The following LRRC4C variants were observed in gnomAD, a reference collection of about 807,000 sequenced individuals.
LRRC4C encodes the protein leucine-rich repeat-containing protein 4C.
A neutral mutation model predicts 33.6 loss-of-function variants in LRRC4C; 5 were observed. The observed-to-expected ratio is 0.15, with a 90% confidence interval of 0.08 to 0.31. LRRC4C has a LOEUF of 0.31. Among genes scored for constraint, LRRC4C ranks in the 10% least tolerant of loss-of-function variants. The probability of loss-of-function intolerance (pLI) is 1.00; values close to 1 mark genes in which losing one functional copy is unlikely to be tolerated. For missense variants in LRRC4C, 560 were observed against 796.7 expected (o/e 0.70, Z 3.58); for synonymous variants, 329 against 302.0 (o/e 1.09, Z -0.93).
At position 40,733,061 on chromosome 11, in the gene LRRC4C, G is replaced by GTTTTTTTT. The variant is rs544471413; in HGVS notation, c.-406-84791_-406-84784dup. Among the ~76,000 whole-genome samples, 32 of 57,640 alleles carry GTTTTTTTT rather than the reference G, an allele frequency of 5.6e-4. 4 individuals are homozygous for GTTTTTTTT. The highest frequency in any genetic ancestry group is 8.4e-4 in the Non-Finnish European group (28 of 33,440). The allele number at this position is 57,640 out of a possible 152,430, so 37.8% of individuals were successfully genotyped here. On this transcript the variant is annotated intron_variant, in intron 2 of 6. Coordinates refer to ENST00000528697, the MANE Select transcript of LRRC4C (RefSeq NM_001258419.2). ...GGATCCAAAACCAGTTATGAATATA[G>GTTTTTTTT]TTTTTTTTTTTTTTTTTTTTTTTTT...
intron 2 of LRRC4C, among the ~76,000 whole-genome samples, chr11:40,892,952 C>A (rs1955785924): frequency 6.6e-6 from 1 of 151,876 alleles, no homozygotes; most frequent in African/African-American, 2.4e-5. Context: ...GTATGTGTTA[C>A]CACAACAAAA....
chr11:41,105,024 G>A (rs1284875811), intron 1 of LRRC4C, among the ~76,000 whole-genome samples: 1 of 151,920 alleles, frequency 6.6e-6, no homozygotes, highest in East Asian at 1.9e-4. Context: ...ACATATCACT[G>A]TAAATTTACT....
intron 2 of LRRC4C, among the ~76,000 whole-genome samples, chr11:40,797,419 T>C (rs576804194): frequency 6.6e-6 from 1 of 152,276 alleles, no homozygotes; most frequent in South Asian, 2.1e-4. Flanking sequence ...ATGTACAGTT[T>C]TGGAAATCAT....
At chr11:40,842,590 T>C (rs1208306089) in intron 2 of LRRC4C, among the ~76,000 whole-genome samples, 2 of 152,150 alleles carry the variant, frequency 1.3e-5, no homozygotes, top group Non-Finnish European at 2.9e-5. Context: ...AAAACTATAA[T>C]ATATTATTAT....
At chr11:40,614,657 C>T (rs1056355795) in intron 3 of LRRC4C, among the ~76,000 whole-genome samples, 1 of 151,628 alleles carries the variant, frequency 6.6e-6, no homozygotes, top group Non-Finnish European at 1.5e-5. Context: ...CTTCACTGAG[C>T]TTAATCATTT....
At chr11:41,071,773 CA>C (rs1401524105) in intron 1 of LRRC4C, among the ~76,000 whole-genome samples, 2 of 152,064 alleles carry the variant, frequency 1.3e-5, no homozygotes, top group Admixed American at 6.6e-5. Flanking sequence ...CGGATCTGGG[CA>C]AAGTAAATTG....
intron 5 of LRRC4C, among the ~76,000 whole-genome samples, chr11:40,235,492 T>C (rs911375524): frequency 1.3e-5 from 2 of 152,154 alleles, no homozygotes; most frequent in African/African-American, 4.8e-5. Context: ...GATATAACCT[T>C]AAAGTCGATG....
At position 40,419,828 on chromosome 11, in the gene LRRC4C, T is replaced by C. The variant is rs547179757; in HGVS notation, c.-269-100107A>G. Among the ~76,000 whole-genome samples the C allele has an allele frequency of 2.6e-5, 4 of 152,290 alleles. No individual in the cohort carries two copies. In the South Asian group the frequency reaches 8.3e-4, roughly 32 times the overall value. On this transcript the variant is annotated intron_variant, in intron 3 of 6. Transcript: ENST00000528697. ...TGGGCACTATGGTCCTATATCAATG[T>C]TGGATTTTCCCAGTAGAGCAGCAAT...
intron 2 of LRRC4C, among the ~76,000 whole-genome samples, chr11:40,679,133 T>C (rs528485017): frequency 6.6e-6 from 1 of 152,200 alleles, no homozygotes; most frequent in South Asian, 2.1e-4. Flanking sequence ...GCAAAGAGAC[T>C]GGCAGCATTT....
At chr11:40,344,753 C>A (rs1430446734) in intron 3 of LRRC4C, among the ~76,000 whole-genome samples, 1 of 152,084 alleles carries the variant, frequency 6.6e-6, no homozygotes, top group African/African-American at 2.4e-5. Flanking sequence ...ACTTACAAAT[C>A]CCCATAGTCT....
intron 1 of LRRC4C, among the ~76,000 whole-genome samples, chr11:41,122,238 C>T (rs959966731): frequency 2.0e-5 from 3 of 152,120 alleles, no homozygotes; most frequent in Non-Finnish European, 2.9e-5. Context: ...CAGTTTAACT[C>T]TTCAAAATAC....
intron 1 of LRRC4C, among the ~76,000 whole-genome samples, chr11:41,108,283 T>C: frequency 6.6e-6 from 1 of 152,140 alleles, no homozygotes; most frequent in Non-Finnish European, 1.5e-5. Flanking sequence ...ACTTGTCATG[T>C]AGTATCTGCA....
intron 1 of LRRC4C, among the ~76,000 whole-genome samples, chr11:41,166,876 C>T (rs2136069462): frequency 6.6e-6 from 1 of 152,276 alleles, no homozygotes; most frequent in Non-Finnish European, 1.5e-5. Context: ...CATGGCAATT[C>T]ATCTCTAACA....
At chr11:40,415,174 T>C (rs1478351001) in intron 3 of LRRC4C, among the ~76,000 whole-genome samples, 1 of 152,146 alleles carries the variant, frequency 6.6e-6, no homozygotes, top group Non-Finnish European at 1.5e-5. Flanking sequence ...AACACCTTTA[T>C]GCATATATAA....
chr11:41,102,314 G>A (rs751860181), intron 1 of LRRC4C, among the ~76,000 whole-genome samples: 46 of 151,936 alleles, frequency 3.0e-4, no homozygotes, highest in Admixed American at 7.9e-4. Context: ...AGTATAACCT[G>A]CATTTCTAGT....
chr11:40,724,664 T>A (rs1947198765), intron 2 of LRRC4C, among the ~76,000 whole-genome samples: 1 of 151,856 alleles, frequency 6.6e-6, no homozygotes. Flanking sequence ...CATAGAAAGA[T>A]CTCAAATTAA....
In LRRC4C at chr11:40,819,998, CAA is replaced by C. The variant is rs534931567; in HGVS notation, c.-407+113635_-407+113636del. Among the ~76,000 whole-genome samples the C allele has an allele frequency of 2.3e-3, 350 of 151,636 alleles. 4 individuals are homozygous for C. Among genetic ancestry groups the C allele is most frequent in the African/African-American group, 7.6e-3 (314 of 41,358 alleles). The stretch of plus-strand genomic sequence containing the variant: ...AAGTGACTAAATTAAAAAAAAGACA[CAA>C]AAAACCACTAATGTCAACAAACTTC... On this transcript the variant is annotated intron_variant, in intron 2 of 6. Transcript: ENST00000528697.
intron 3 of LRRC4C, among the ~76,000 whole-genome samples, chr11:40,454,769 C>T (rs140809273): frequency 6.6e-6 from 1 of 152,262 alleles, no homozygotes; most frequent in East Asian, 1.9e-4. Flanking sequence ...TTCAGGTATA[C>T]ATCTAATTTT....
At position 40,850,849 on chromosome 11, in the gene LRRC4C, G is replaced by A. The variant is rs145489672; in HGVS notation, c.-407+82786C>T. On this transcript the variant is annotated intron_variant, in intron 2 of 6. Coordinates refer to ENST00000528697, the MANE Select transcript of LRRC4C (RefSeq NM_001258419.2). Reference sequence around the variant, plus strand: ...TGCCAGAGAGGAGGAATCTGGAGAGGCAGTCTGGCTACAGTGGCTTTGAGG... The same window carrying A: ...TGCCAGAGAGGAGGAATCTGGAGAGACAGTCTGGCTACAGTGGCTTTGAGG... Among the ~76,000 whole-genome samples the A allele has an allele frequency of 4.1e-4, 63 of 152,314 alleles. No homozygotes were observed. The East Asian group carries it at 8.1e-3, about 20-fold the overall frequency.
Sources: gnomAD v4.1 joint callset for allele counts (sites outside exome capture counted in the v4.1 genomes callset) on GRCh38, gnomAD v4.1.1 for gene constraint, MANE v1.5 for transcripts, NCBI Gene and HGNC (gene_info 2026-07-23, HGNC 2026-07-21) for gene names.